Variants in WWOX observed in about 807,000 individuals in gnomAD.
WWOX encodes the protein WW domain-containing oxidoreductase.
In WWOX, 69 loss-of-function variants were observed where a neutral mutation model predicts 46.2. That is an observed-to-expected ratio of 1.49 (90% CI 1.23 to 1.82). The LOEUF (loss-of-function observed/expected upper bound fraction) is 1.82, where lower values mean the gene tolerates loss of function less well. Among genes scored for constraint, WWOX ranks in the 40% most tolerant of loss-of-function variants. The probability of loss-of-function intolerance (pLI) is 0.00; values close to 1 mark genes in which losing one functional copy is unlikely to be tolerated. For missense variants in WWOX, 919 were observed against 542.6 expected (o/e 1.69, Z -6.89); for synonymous variants, 359 against 202.6 (o/e 1.77, Z -6.56).
intron 8 of WWOX, among the ~76,000 whole-genome samples, chr16:78,949,585 T>C (rs533525592): frequency 1.3e-5 from 2 of 152,362 alleles, no homozygotes; most frequent in South Asian, 2.1e-4. Context: ...TGTCATGCTG[T>C]ACTACTTTTA....
intron 8 of WWOX, among the ~76,000 whole-genome samples, chr16:79,137,264 C>G (rs112199245): frequency 3.3e-5 from 5 of 152,292 alleles, no homozygotes; most frequent in African/African-American, 1.2e-4. Context: ...ACCATGCTTC[C>G]TTTTAGAAGA....
chr16:78,609,400 G>T (rs552992724), intron 8 of WWOX, among the ~76,000 whole-genome samples: 5 of 151,964 alleles, frequency 3.3e-5, no homozygotes, highest in Non-Finnish European at 7.4e-5. Context: ...TTCCCCACCA[G>T]GAGAGTGGAA....
At chr16:78,366,520 G>A (rs1255573929) in intron 5 of WWOX, among the ~76,000 whole-genome samples, 3 of 152,076 alleles carry the variant, frequency 2.0e-5, no homozygotes, top group Admixed American at 1.3e-4. Context: ...TAGACTTCAG[G>A]GGACTACACT....
intron 1 of WWOX, among the ~76,000 whole-genome samples, chr16:78,101,383 G>T (rs1410458856): frequency 1.2e-5 from 1 of 82,608 alleles, no homozygotes; most frequent in South Asian, 4.7e-4. Flanking sequence ...GTCTCGCTCC[G>T]TCGCCCAAAC....
chr16:78,792,674 G>C (rs1241544180), intron 8 of WWOX, among the ~76,000 whole-genome samples: 8 of 152,186 alleles, frequency 5.3e-5, no homozygotes, highest in Non-Finnish European at 8.8e-5. Flanking sequence ...CTTTGGGGCA[G>C]ACAATGGATA....
At chr16:78,179,369 A>G (rs958400610) in intron 5 of WWOX, among the ~76,000 whole-genome samples, 2 of 152,200 alleles carry the variant, frequency 1.3e-5, no homozygotes, top group African/African-American at 4.8e-5. Flanking sequence ...AAAAGGTAAC[A>G]TTCTCAGATT....
intron 8 of WWOX, among the ~76,000 whole-genome samples, chr16:79,184,304 A>C (rs1024253565): frequency 6.6e-6 from 1 of 152,180 alleles, no homozygotes; most frequent in Non-Finnish European, 1.5e-5. Context: ...AGAGCCTACC[A>C]TTCATTTATT....
intron 8 of WWOX, among the ~76,000 whole-genome samples, chr16:79,044,459 G>C (rs1267167885): frequency 6.6e-6 from 1 of 152,108 alleles, no homozygotes; most frequent in African/African-American, 2.4e-5. Flanking sequence ...GGGGGAGCTG[G>C]TCATTTAAAA....
At chr16:78,722,886 A>T (rs879608858) in intron 8 of WWOX, among the ~76,000 whole-genome samples, 3 of 151,988 alleles carry the variant, frequency 2.0e-5, no homozygotes, top group Non-Finnish European at 4.4e-5. Context: ...TACAAAAAGT[A>T]TAAAAATTAG....
intron 8 of WWOX, among the ~76,000 whole-genome samples, chr16:78,956,483 A>G (rs1303457129): frequency 2.0e-5 from 3 of 152,178 alleles, no homozygotes; most frequent in Non-Finnish European, 2.9e-5. Flanking sequence ...TTAATCTACA[A>G]TGACACATCA....
At chr16:78,909,124 A>T (rs975880440) in intron 8 of WWOX, among the ~76,000 whole-genome samples, 27 of 152,232 alleles carry the variant, frequency 1.8e-4, no homozygotes, top group Non-Finnish European at 1.0e-4. Context: ...GACAGCCTGG[A>T]GGTTAGAAGC....
chr16:79,211,404 A>G (rs574316492), intron 8 of WWOX, among the ~76,000 whole-genome samples: 82 of 152,232 alleles, frequency 5.4e-4, no homozygotes, highest in African/African-American at 1.9e-3. Flanking sequence ...TTACAAGCGG[A>G]GTTTATGAAC....
At chr16:78,716,619 C>G (rs944491339) in intron 8 of WWOX, among the ~76,000 whole-genome samples, 4 of 152,070 alleles carry the variant, frequency 2.6e-5, no homozygotes, top group Non-Finnish European at 5.9e-5. Context: ...TAACCCTCAT[C>G]TCTATAGGTT....
At chr16:79,132,454 A>AT (rs2049899668) in intron 8 of WWOX, among the ~76,000 whole-genome samples, 1 of 152,162 alleles carries the variant, frequency 6.6e-6, no homozygotes, top group South Asian at 2.1e-4. Flanking sequence ...GTGTTTCGTG[A>AT]TTAAAATAAT....
chr16:78,503,021 C>T (rs568384776), intron 8 of WWOX, among the ~76,000 whole-genome samples: 1 of 152,280 alleles, frequency 6.6e-6, no homozygotes, highest in South Asian at 2.1e-4. Context: ...ATTAATGAGT[C>T]CATGTTTCAG....
chr16:78,408,550 G>A (rs376751451), intron 6 of WWOX, among the ~76,000 whole-genome samples: 1 of 152,190 alleles, frequency 6.6e-6, no homozygotes, highest in Non-Finnish European at 1.5e-5. Context: ...GAGCTAAGGA[G>A]CAGAAAGACT....
chr16:78,967,551 C>T (rs140369361), intron 8 of WWOX, among the ~76,000 whole-genome samples: 217 of 150,804 alleles, frequency 1.4e-3, no homozygotes, highest in African/African-American at 4.7e-3. Context: ...GTGATCCACC[C>T]ATCTTGGCCT....
intron 8 of WWOX, among the ~76,000 whole-genome samples, chr16:78,798,679 A>G (rs1314966201): frequency 6.6e-6 from 1 of 151,306 alleles, no homozygotes; most frequent in Non-Finnish European, 1.5e-5. Context: ...TCACCATCTC[A>G]GGGGTAAATA....
At chr16:78,916,272 C>CA (rs1214611661) in intron 8 of WWOX, among the ~76,000 whole-genome samples, 1 of 152,148 alleles carries the variant, frequency 6.6e-6, no homozygotes, top group African/African-American at 2.4e-5. Flanking sequence ...CTTTCTACTG[C>CA]AGGGGGTATG....
Sources: gnomAD v4.1 joint callset for allele counts (sites outside exome capture counted in the v4.1 genomes callset) on GRCh38, gnomAD v4.1.1 for gene constraint, MANE v1.5 for transcripts, NCBI Gene and HGNC (gene_info 2026-07-23, HGNC 2026-07-21) for gene names.